Variants in ADAT1 observed in about 807,000 individuals in gnomAD.
ADAT1 encodes the protein adenosine deaminase tRNA specific 1.
ADAT1 carries 58 observed loss-of-function variants against 58.6 expected under a neutral mutation model. The observed-to-expected ratio is 0.99, with a 90% CI of 0.80 to 1.23. The LOEUF (loss-of-function observed/expected upper bound fraction) is 1.23, where lower values mean the gene tolerates loss of function less well. Ranked by LOEUF, ADAT1 falls within the 50% of genes most tolerant of loss-of-function variation. The pLI is 0.00. For synonymous variants in ADAT1, 254 were observed against 220.8 expected (o/e 1.15, Z -1.33); for missense variants, 741 against 608.6 (o/e 1.22, Z -2.29).
intron 6 of ADAT1, among the ~76,000 whole-genome samples, chr16:75,611,947 A>G (rs1011293799): frequency 2.6e-5 from 4 of 151,860 alleles, no homozygotes; most frequent in Non-Finnish European, 5.9e-5. Flanking sequence ...AGTCCCAGCT[A>G]CTCATGAAGC....
At chr16:75,620,920 G>T in intron 1 of ADAT1, 100 bp from the exon 2 acceptor site, 1 of 1,004,246 alleles carries the variant, frequency 1.0e-6, no homozygotes, top group Non-Finnish European at 1.4e-6. Context: ...AAATGGAGCA[G>T]ACCGAGGTTT....
chr16:75,622,105 G>T (rs1369203600), intron 1 of ADAT1, among the ~76,000 whole-genome samples: 2 of 152,154 alleles, frequency 1.3e-5, no homozygotes, highest in Non-Finnish European at 2.9e-5. Context: ...AGCCGAGATT[G>T]TGCCACTGCA....
chr16:75,612,721 G>A lies in ADAT1; in HGVS notation c.565C>T (p.Pro189Ser), dbSNP rs778430719. ...ATCTTTTTGGTTACAGGACTGTCAG[G>A]GTCTTCACATTTTCTTTCATTTCCA... ...APGNERKCED[P>S]DSPVTKKMRL... The change falls in exon 6 of 10, where the codon CCT becomes TCT. Residue 189 changes from proline (P) to serine (S), a missense_variant. Pro to Ser is a moderately conservative substitution (Grantham distance 74). Transcript: ENST00000564657. 1.2e-6 allele frequency: 2 copies of A among 1,613,912 alleles called. No individual in the cohort carries two copies. Among genetic ancestry groups the A allele is most frequent in the Non-Finnish European group, 1.7e-6 (2 of 1,180,004 alleles).
intron 1 of ADAT1, among the ~76,000 whole-genome samples, chr16:75,622,172 T>C (rs542778695): frequency 2.6e-5 from 4 of 152,282 alleles, no homozygotes; most frequent in South Asian, 4.1e-4. Context: ...AAGGCTTTCC[T>C]GAGCTCCAGT....
chr16:75,620,357 G>T, intron 2 of ADAT1, 23 bp from the exon 3 acceptor site: 2 of 1,613,006 alleles, frequency 1.2e-6, no homozygotes, highest in Non-Finnish European at 1.7e-6. Flanking sequence ...AACAAATCGT[G>T]TGAGTTCTGA....
chr16:75,619,169 G>A (rs1158424607), intron 3 of ADAT1, among the ~76,000 whole-genome samples: 1 of 152,154 alleles, frequency 6.6e-6, no homozygotes, highest in African/African-American at 2.4e-5. Flanking sequence ...GGAGGTTAAG[G>A]CAAGGAGAAT....
At chr16:75,618,668 A>C in intron 3 of ADAT1, 28 bp from the exon 4 acceptor site, 1 of 1,612,054 alleles carries the variant, frequency 6.2e-7, no homozygotes, top group Non-Finnish European at 8.5e-7. Flanking sequence ...CACCAGGTGA[A>C]GACATATGGA....
rs759166750 is a variant in ADAT1 at position 75,620,776 on chromosome 16, A to G, written c.24T>C (p.Ala8=). Residue 8 remains alanine (A), a synonymous_variant, in exon 2 of 10, where the codon GCT becomes GCC. Transcript: ENST00000564657. ...TCCCATAGTGTTCATAGCATAGCTG[A>G]GCAATCTCATCCGCGGTCCACATGG... MWTADEI[A]QLCYEHYGIR... is the part of the protein sequence containing the mutation. 10 of 1,613,412 alleles carry G rather than the reference A, an allele frequency of 6.2e-6. No individual in the cohort carries two copies. The highest frequency in any genetic ancestry group is 5.1e-6 in the Non-Finnish European group (6 of 1,179,470).
chr16:75,617,346 T>G, intron 4 of ADAT1, 74 bp from the exon 5 acceptor site: 1 of 1,530,652 alleles, frequency 6.5e-7, no homozygotes, highest in Non-Finnish European at 8.9e-7. Flanking sequence ...GTTGGGTGAT[T>G]ACTAAGACAG....
At chr16:75,607,207 T>C (rs2081394624) in intron 8 of ADAT1, among the ~76,000 whole-genome samples, 1 of 151,800 alleles carries the variant, frequency 6.6e-6, no homozygotes, top group South Asian at 2.1e-4. Flanking sequence ...TAAATGCAAA[T>C]AAAAACTGTA....
rs1597118111 is a variant in ADAT1 at position 75,612,334 on chromosome 16, G to A, written c.952C>T (p.His318Tyr). The A allele has an allele frequency of 6.2e-7, 1 of 1,614,142 alleles. No individual in the cohort carries two copies. Among genetic ancestry groups the A allele is most frequent in the Non-Finnish European group, 8.5e-7 (1 of 1,180,034 alleles). Residue 318 changes from histidine to tyrosine, a missense_variant, in exon 6 of 10, where the codon CAC (histidine) becomes TAC (tyrosine). Coordinates refer to ENST00000564657, the MANE Select transcript of ADAT1 (RefSeq NM_001324445.2). ...VLGCQGALLM[H>Y]LLEEPIYLSA... Reference sequence around the variant, plus strand: ...AGGTAGATGGGCTCTTCCAGCAAGTGCATCAACAGTGCCCCTTGGCATCCG... The same window carrying A: ...AGGTAGATGGGCTCTTCCAGCAAGTACATCAACAGTGCCCCTTGGCATCCG...
In ADAT1 at chr16:75,612,729, C is replaced by A. The variant is rs1437782178; in HGVS notation, c.557G>T (p.Cys186Phe). 6.2e-7 allele frequency: 1 copy of A among 1,613,976 alleles called. No individual in the cohort carries two copies. The highest frequency in any genetic ancestry group is 1.7e-5 in the Admixed American group (1 of 59,974). The stretch of plus-strand genomic sequence containing the variant: ...GGTTACAGGACTGTCAGGGTCTTCA[C>A]ATTTTCTTTCATTTCCAGGAGCTTC... Reference protein sequence around the residue: ...NLEAPGNERKCEDPDSPVTKK... With the variant: ...NLEAPGNERKFEDPDSPVTKK... Residue 186 changes from cysteine (C) to phenylalanine (F), a missense_variant, in exon 6 of 10, where the codon TGT becomes TTT. By Grantham distance (205) the Cys-to-Phe change is radical. Coordinates refer to ENST00000564657, the MANE Select transcript of ADAT1 (RefSeq NM_001324445.2).
rs1190461399 is a variant in ADAT1 at position 75,622,487 on chromosome 16, A to C, written c.-106T>G. On this transcript the variant is annotated 5_prime_UTR_variant, in exon 1 of 10. Coordinates refer to ENST00000564657, the MANE Select transcript of ADAT1 (RefSeq NM_001324445.2). ...GACCTGAAATTAAACCAGAGGTGCA[A>C]TTCACAAACCTCGATAGGCAAGGCA... is the stretch of plus-strand genomic sequence containing the variant. 6.6e-6 allele frequency: 1 copy of C among 152,184 alleles called. No individual in the cohort carries two copies. The highest frequency in any genetic ancestry group is 1.5e-5 in the Non-Finnish European group (1 of 68,044). The allele number at this position is 152,184 out of a possible 1,614,324, so 9.4% of individuals were successfully genotyped here.
At position 75,597,173 on chromosome 16, in the gene ADAT1, T is replaced by C; in HGVS notation, c.*3043A>G. The C allele has an allele frequency of 4.7e-6, 1 of 212,324 alleles. No individual in the cohort carries two copies. The highest frequency in any genetic ancestry group is 9.8e-6 in the Non-Finnish European group (1 of 101,606). 13.2% of individuals were successfully genotyped at this position (212,324 alleles called of 1,614,324 possible). ...CTCAGAATGTGACTTTAGTTGGAAA[T>C]AGAGTCTTTGCAGATCTAGTTAGTT... On this transcript the variant is annotated 3_prime_UTR_variant, in exon 10 of 10. Coordinates refer to ENST00000564657, the MANE Select transcript of ADAT1 (RefSeq NM_001324445.2).
chr16:75,612,626 C>T lies in ADAT1; in HGVS notation c.660G>A (p.Lys220=). ...NGAAHHQSFG[K]QKSGPISPGI... ...CTGGTGAGATTGGGCCACTTTTCTG[C>T]TTGCCAAAACTCTGATGGTGAGCTG... is the stretch of plus-strand genomic sequence containing the variant. The change falls in exon 6 of 10, where the codon AAG becomes AAA. Residue 220 remains lysine, a synonymous_variant. Transcript: ENST00000564657. 6.2e-7 allele frequency: 1 copy of T among 1,614,088 alleles called. No individual in the cohort carries two copies. The highest frequency in any genetic ancestry group is 8.5e-7 in the Non-Finnish European group (1 of 1,180,028).
intron 5 of ADAT1, among the ~76,000 whole-genome samples, chr16:75,616,351 G>A (rs1299164962): frequency 6.6e-6 from 1 of 150,808 alleles, no homozygotes; most frequent in Non-Finnish European, 1.5e-5. Flanking sequence ...TTTGAGTTAT[G>A]ATCAAATCTA....
At chr16:75,610,146 C>T (rs986993791) in intron 6 of ADAT1, among the ~76,000 whole-genome samples, 11 of 152,204 alleles carry the variant, frequency 7.2e-5, no homozygotes, top group African/African-American at 2.7e-4. Flanking sequence ...AATAGTACTT[C>T]AGTCGTTTTT....
In ADAT1 at chr16:75,623,249, G is replaced by C. The variant is rs1002946185; in HGVS notation, c.-868C>G. 3.3e-5 allele frequency: 5 copies of C among 151,932 alleles called. No homozygotes were observed. The highest frequency in any genetic ancestry group is 1.2e-4 in the African/African-American group (5 of 41,136). The allele number at this position is 151,932 out of a possible 1,614,324, so 9.4% of individuals were successfully genotyped here. On this transcript the variant is annotated 5_prime_UTR_variant, in exon 1 of 10. Transcript: ENST00000564657. ...CGCTCCCCTCCCACCTTCAGGAAAC[G>C]CGCCTAGAAGAAAGCGAGCTTAATC...
At position 75,608,902 on chromosome 16, in the gene ADAT1, C is replaced by T. The variant is rs548075294; in HGVS notation, c.1130G>A (p.Arg377His). The change falls in exon 7 of 10, where the codon CGC becomes CAC. Residue 377 changes from arginine to histidine, a missense_variant. Arg to His is a conservative substitution (Grantham distance 29, BLOSUM62 0). Coordinates refer to ENST00000564657, the MANE Select transcript of ADAT1 (RefSeq NM_001324445.2). ...AGCCCTTTTTGCCTGCACCGCACTGCGGCTCTGTTCAAATAGTAAATCTGA... is the reference window on the plus strand; with the variant it reads ...AGCCCTTTTTGCCTGCACCGCACTGTGGCTCTGTTCAAATAGTAAATCTGA... ...LQSDLLFEQS[R>H]SAVQAKRADS... 164 of 1,614,214 alleles carry T rather than the reference C, an allele frequency of 1.0e-4. No homozygotes were observed. In the East Asian group the frequency reaches 1.9e-3, roughly 19 times the overall value.
Sources: allele counts gnomAD v4.1 joint callset (sites outside exome capture counted in the v4.1 genomes callset), GRCh38; gene constraint gnomAD v4.1.1; transcripts MANE v1.5; gene names NCBI Gene and HGNC (gene_info 2026-07-23, HGNC 2026-07-21).